PFKFB2: variants seen among roughly 807,000 people sequenced by gnomAD.
PFKFB2 encodes the protein 6-phosphofructo-2-kinase/fructose-2,6-biphosphatase 2, also known as 6-phosphofructo-2-kinase/fructose-2,6-bisphosphatase 2.
In PFKFB2, 53 loss-of-function variants were observed where a neutral mutation model predicts 68.0. The ratio of observed to expected loss-of-function variants is 0.78; its 90% CI spans 0.63 to 0.98. The LOEUF (loss-of-function observed/expected upper bound fraction) is 0.98. Ranked by LOEUF, PFKFB2 falls within the 50% of genes least tolerant of loss-of-function variation. PFKFB2 has a pLI of 0.00. For synonymous variants in PFKFB2, 222 were observed against 227.6 expected, an observed-to-expected ratio of 0.98 and a Z score of 0.22; for missense variants, 451 against 642.0, an observed-to-expected ratio of 0.70 and a Z score of 3.22.
At chr1:207,057,350 C>CGCCTG (rs1682958418) in intron 2 of PFKFB2, among the ~76,000 whole-genome samples, 1 of 139,830 alleles carries the variant, frequency 7.2e-6, no homozygotes, top group Non-Finnish European at 1.5e-5. Context: ...TGGTGGCGGG[C>CGCCTG]GCCTGTAGTC....
At chr1:207,067,116 C>T (rs1247490705) in intron 8 of PFKFB2, among the ~76,000 whole-genome samples, 1 of 152,174 alleles carries the variant, frequency 6.6e-6, no homozygotes, top group East Asian at 1.9e-4. Flanking sequence ...CTCGTCGTGC[C>T]ATATTCTGGC....
In PFKFB2 at chr1:207,061,665, T is replaced by C. The variant is rs190277486; in HGVS notation, c.86-288T>C. Among the ~76,000 whole-genome samples the C allele has an allele frequency of 3.3e-3, 499 of 152,210 alleles. 2 individuals are homozygous for C. The highest frequency in any genetic ancestry group is 0.01 in the African/African-American group (417 of 41,546). On this transcript the variant is annotated intron_variant, in intron 2 of 14. Coordinates refer to ENST00000367080, the MANE Select transcript of PFKFB2 (RefSeq NM_006212.2). Reference sequence around the variant, plus strand: ...TTGGGAGGCTGAGGTGGGTGGATCATGAGGTCAAGAAATTGAGACCATCCT... The same window carrying C: ...TTGGGAGGCTGAGGTGGGTGGATCACGAGGTCAAGAAATTGAGACCATCCT...
chr1:207,061,187 A>T (rs56261002), intron 2 of PFKFB2, among the ~76,000 whole-genome samples: 6,410 of 67,360 alleles, frequency 0.095, 1,382 homozygotes, highest in African/African-American at 0.32. Context: ...ATATATATAT[A>T]TATATATATA....
At chr1:207,056,209 G>A (rs1203386549) in intron 2 of PFKFB2, among the ~76,000 whole-genome samples, 1 of 152,052 alleles carries the variant, frequency 6.6e-6, no homozygotes, top group South Asian at 2.1e-4. Context: ...TTTTTCACAG[G>A]TGACTCAATC....
chr1:207,075,735 C>T lies in PFKFB2; in HGVS notation c.*3364C>T. On this transcript the variant is annotated 3_prime_UTR_variant, in exon 15 of 15. Transcript: ENST00000367080. ...GACCAGCCTGGGCAATATAGTGAGA[C>T]CTCACCTCTAAAAAAGTTTTTTATA... 1 of 974,784 alleles carries T rather than the reference C, an allele frequency of 1.0e-6. No individual in the cohort carries two copies. Among genetic ancestry groups the T allele is most frequent in the Non-Finnish European group, 1.2e-6 (1 of 820,294 alleles). 60.4% of individuals were successfully genotyped at this position (974,784 alleles called of 1,614,324 possible).
Position 207,067,605 on chromosome 1 carries a change from G to A in PFKFB2, c.739G>A (p.Val247Ile), listed in dbSNP as rs145329872. The A allele has an allele frequency of 2.6e-5, 42 of 1,613,584 alleles. No individual in the cohort carries two copies. Among genetic ancestry groups the A allele is most frequent in the Middle Eastern group, 1.6e-4 (1 of 6,082 alleles). Residue 247 changes from valine to isoleucine, a missense_variant, in exon 9 of 15, where the codon GTC becomes ATC. Val to Ile is a conservative substitution (Grantham distance 29). Coordinates refer to ENST00000367080, the MANE Select transcript of PFKFB2 (RefSeq NM_006212.2). ...KIVYYLMNIH[V>I]QPRTIYLCRH... ...AGTCTACTACCTCATGAATATCCAC[G>A]TCCAGCCTCGCACCATTTACCTTTG... is the stretch of plus-strand genomic sequence containing the variant.
chr1:207,078,850 G>A, downstream of PFKFB2: 2 of 899,488 alleles, frequency 2.2e-6, no homozygotes, highest in Admixed American at 1.7e-5. Flanking sequence ...GGGATGGGGA[G>A]GTTGAGGGAG....
At position 207,074,411 on chromosome 1, in the gene PFKFB2, A is replaced by G. The variant is rs141275871; in HGVS notation, c.*2040A>G. On this transcript the variant is annotated 3_prime_UTR_variant, in exon 15 of 15. Coordinates refer to ENST00000367080, the MANE Select transcript of PFKFB2 (RefSeq NM_006212.2). ...ATTGCTGAGTGATGTGGAACAAATC[A>G]CTGAATTAAATAATTGTCTCTAGAG... The G allele has an allele frequency of 1.2e-3, 1,158 of 985,430 alleles. 10 individuals carry two copies. The highest frequency in any genetic ancestry group is 7.8e-3 in the Admixed American group (127 of 16,288). The allele number at this position is 985,430 out of a possible 1,614,324, so 61.0% of individuals were successfully genotyped here.
In PFKFB2 at chr1:207,055,641, T is replaced by TTATA. The variant is rs34590725; in HGVS notation, c.85+858_85+861dup. Among the ~76,000 whole-genome samples, 639 of 147,644 alleles carry TTATA rather than the reference T, an allele frequency of 4.3e-3. 3 individuals are homozygous for TTATA. Among genetic ancestry groups the TTATA allele is most frequent in the African/African-American group, 0.012 (479 of 40,130 alleles). On this transcript the variant is annotated intron_variant, in intron 2 of 14. Coordinates refer to ENST00000367080, the MANE Select transcript of PFKFB2 (RefSeq NM_006212.2). ...CAGTCAGTTCTTCTCACTTCAGTGG[T>TTATA]TATATATATATATATATATATAGCC...
upstream of PFKFB2, chr1:207,051,060 C>T (rs1237537011): frequency 2.0e-6 from 3 of 1,472,324 alleles, no homozygotes; most frequent in Non-Finnish European, 2.7e-6. Context: ...TTGCAGTTAT[C>T]GCGACGCTTC....
At chr1:207,048,663 C>A (rs901009384), upstream of PFKFB2, 1 of 211,360 alleles carries the variant, frequency 4.7e-6, no homozygotes, top group African/African-American at 2.3e-5. Context: ...TCACAGGAGG[C>A]CTTCCACATT....
Position 207,063,539 on chromosome 1 carries a change from C to T in PFKFB2, c.450+118C>T. 1 of 779,298 alleles carries T rather than the reference C, an allele frequency of 1.3e-6. No individual in the cohort carries two copies. The allele number at this position is 779,298 out of a possible 1,614,324, so 48.3% of individuals were successfully genotyped here. A position where few individuals can be genotyped will look rare whatever the true frequency, so the allele number is the denominator to read the frequency against. On this transcript the variant is annotated intron_variant, in intron 6 of 14. Coordinates refer to ENST00000367080, the MANE Select transcript of PFKFB2 (RefSeq NM_006212.2). The surrounding 1 kb of genome is among the most constrained non-coding windows in gnomAD (Gnocchi z 4.1). ...AGGATGGGATATCTGAATCTCTTCT[C>T]TCAGAGCATTCCCCCAGTCCTTGAG...
At position 207,075,226 on chromosome 1, in the gene PFKFB2, C is replaced by A. The variant is rs1683588766; in HGVS notation, c.*2855C>A. The A allele has an allele frequency of 1.0e-6, 1 of 985,490 alleles. No homozygotes were observed. Among genetic ancestry groups the A allele is most frequent in the Non-Finnish European group, 1.2e-6 (1 of 829,966 alleles). The allele number at this position is 985,490 out of a possible 1,614,324, so 61.0% of individuals were successfully genotyped here. On this transcript the variant is annotated 3_prime_UTR_variant, in exon 15 of 15. Coordinates refer to ENST00000367080, the MANE Select transcript of PFKFB2 (RefSeq NM_006212.2). ...CTGGGATGTTCATTCTGGCTCTCAG[C>A]CTGCTGTTATTTCCCCACTCTCACC...
chr1:207,065,398 TG>T, intron 8 of PFKFB2: 4 of 731,830 alleles, frequency 5.5e-6, no homozygotes, highest in Non-Finnish European at 5.0e-6. Context: ...TCACCCAGGC[TG>T]GAGTGCAGTG....
intron 2 of PFKFB2, chr1:207,047,347 TAA>T (rs981526204): frequency 1.7e-4 from 26 of 152,680 alleles, no homozygotes; most frequent in African/African-American, 6.0e-4. Flanking sequence ...AATTGTTCCT[TAA>T]AAGTTCTTTT....
Position 207,071,225 on chromosome 1 carries a change from C to A in PFKFB2, c.1260C>A (p.Ile420=). The change falls in exon 13 of 15, where the codon ATC becomes ATA. Residue 420 remains isoleucine, a synonymous_variant. Coordinates refer to ENST00000367080, the MANE Select transcript of PFKFB2 (RefSeq NM_006212.2). Reference sequence around the variant, plus strand: ...ACTTGAGATGCCCTCTCCATACCATCTTCAAACTTACTCCTGTGGCCTATG... The same window carrying A: ...ACTTGAGATGCCCTCTCCATACCATATTCAAACTTACTCCTGTGGCCTATG... ...LPYLRCPLHT[I]FKLTPVAYGC... is the part of the protein sequence containing the mutation. 1 of 1,613,852 alleles carries A rather than the reference C, an allele frequency of 6.2e-7. No homozygotes were observed. Among genetic ancestry groups the A allele is most frequent in the South Asian group, 1.1e-5 (1 of 91,082 alleles).
chr1:207,064,979 G>A, intron 7 of PFKFB2, 57 bp from the exon 8 acceptor site: 1 of 1,560,372 alleles, frequency 6.4e-7, no homozygotes, highest in Non-Finnish European at 8.7e-7. Context: ...GCTATTTGTA[G>A]GAGGACTGTT....
At chr1:207,048,676 C>G (rs949743030), upstream of PFKFB2, 3 of 226,702 alleles carry the variant, frequency 1.3e-5, no homozygotes, top group African/African-American at 2.3e-5. Flanking sequence ...TCCACATTAC[C>G]CAAAATGTGA....
upstream of PFKFB2, among the ~76,000 whole-genome samples, chr1:207,051,543 A>G (rs1682752583): frequency 6.6e-6 from 1 of 152,102 alleles, no homozygotes; most frequent in East Asian, 1.9e-4. Flanking sequence ...GTGCTTGAAA[A>G]CGTCTATTTG....
Sources: gnomAD v4.1 joint callset for allele counts (sites outside exome capture counted in the v4.1 genomes callset) on GRCh38, gnomAD v4.1.1 for gene constraint, Gnocchi (gnomAD v3.1) non-coding constraint, MANE v1.5 for transcripts, NCBI Gene and HGNC (gene_info 2026-07-23, HGNC 2026-07-21) for gene names.